The following RSPH14 variants were observed in gnomAD, a reference collection of about 807,000 sequenced individuals.
RSPH14 encodes radial spoke head 14 homolog.
RSPH14 carries 20 observed loss-of-function variants against 26.7 expected under a neutral mutation model. That is an observed-to-expected ratio of 0.75 (90% CI 0.53 to 1.09). The LOEUF (loss-of-function observed/expected upper bound fraction) is 1.09, where lower values mean the gene tolerates loss of function less well. RSPH14 is among the 50% of genes least tolerant of loss of function. The probability of loss-of-function intolerance (pLI) is 0.00; values close to 1 mark genes in which losing one functional copy is unlikely to be tolerated. For synonymous variants in RSPH14, 177 were observed against 189.3 expected, an observed-to-expected ratio of 0.93 and a Z score of 0.53; for missense variants, 449 against 457.2, an observed-to-expected ratio of 0.98 and a Z score of 0.16.
chr22:23,145,964 G>A (rs1387056916), upstream of RSPH14: 1 of 985,264 alleles, frequency 1.0e-6, no homozygotes, highest in Non-Finnish European at 1.2e-6. Flanking sequence ...TGCAGACTGG[G>A]AGCAGGAGAC....
intron 4 of RSPH14, among the ~76,000 whole-genome samples, chr22:23,088,348 T>G (rs1373518737): frequency 1.3e-5 from 2 of 152,012 alleles, no homozygotes; most frequent in African/African-American, 4.8e-5. Context: ...CATCCTTGTG[T>G]GAGGAAGGGC....
At chr22:23,157,357 TCTC>T in the RSPH14 span, among the ~76,000 whole-genome samples, 2 of 151,752 alleles carry the variant, frequency 1.3e-5, no homozygotes, top group African/African-American at 2.4e-5. Flanking sequence ...TTCACAACAT[TCTC>T]CTCCCTCAGC....
rs147293509 is a variant in RSPH14, at chr22:23,096,549, G to A, written c.422-32416C>T. On this transcript the variant is annotated intron_variant, in intron 4 of 6. Transcript: ENST00000216036. ...AGGCGCAGGCCTGGCCCTGCTGCACGATAACTGAGGCAGCTCCAGCAAGGT... is the reference window on the plus strand; with the variant it reads ...AGGCGCAGGCCTGGCCCTGCTGCACAATAACTGAGGCAGCTCCAGCAAGGT... 3.0e-4 allele frequency: 279 copies of A among 937,742 alleles called. 4 individuals carry two copies. The African/African-American group carries it at 4.2e-3, about 14-fold the overall frequency. The allele number at this position is 937,742 out of a possible 1,614,324, so 58.1% of individuals were successfully genotyped here.
chr22:23,095,803 G>A, intron 4 of RSPH14: 1 of 1,613,452 alleles, frequency 6.2e-7, no homozygotes, highest in Non-Finnish European at 8.5e-7. Flanking sequence ...AAATCAAGCT[G>A]CTCCTGCTGG....
chr22:23,146,541 C>T, upstream of RSPH14: 1 of 1,580,368 alleles, frequency 6.3e-7, no homozygotes, highest in South Asian at 1.1e-5. Flanking sequence ...GGTGGAAACT[C>T]ATGGGTGAAT....
chr22:23,153,570 A>G, the RSPH14 span: 1 of 985,260 alleles, frequency 1.0e-6, no homozygotes, highest in South Asian at 4.7e-5. Flanking sequence ...AGGCTTGGGC[A>G]AGGAGGGCTG....
the RSPH14 span, among the ~76,000 whole-genome samples, chr22:23,154,301 G>A: frequency 5.3e-5 from 8 of 152,144 alleles, no homozygotes; most frequent in East Asian, 1.9e-4. Context: ...GCCTGAGTTC[G>A]TTCCTCAATC....
chr22:23,130,472 A>AAAG (rs2070326594), intron 4 of RSPH14, among the ~76,000 whole-genome samples: 1 of 73,382 alleles, frequency 1.4e-5, no homozygotes, highest in Non-Finnish European at 2.5e-5. Flanking sequence ...AAAGAAAAAG[A>AAAG]AAAGAGAAAG....
chr22:23,145,365 T>G, upstream of RSPH14: 2 of 1,605,610 alleles, frequency 1.2e-6, no homozygotes, highest in Non-Finnish European at 1.7e-6. Context: ...TTCTCGTTGC[T>G]ATGGTGATCG....
chr22:23,158,028 C>T, the RSPH14 span: 3 of 1,614,066 alleles, frequency 1.9e-6, no homozygotes, highest in African/African-American at 4.0e-5. Flanking sequence ...GACGTGCAGA[C>T]CCTGGAGCAT....
intron 3 of RSPH14, chr22:23,137,894 A>G (rs2070511137): frequency 6.4e-6 from 1 of 157,138 alleles, no homozygotes; most frequent in Non-Finnish European, 1.4e-5. Context: ...AAGTAAAACT[A>G]CTGATCGCCA....
intron 4 of RSPH14, among the ~76,000 whole-genome samples, chr22:23,101,144 G>A (rs531395863): frequency 6.6e-6 from 1 of 152,250 alleles, no homozygotes. Flanking sequence ...AGCATACCAG[G>A]GCTTAGATTG....
chr22:23,143,103 G>A (rs1477948395), upstream of RSPH14, among the ~76,000 whole-genome samples: 3 of 152,014 alleles, frequency 2.0e-5, no homozygotes, highest in Non-Finnish European at 4.4e-5. Flanking sequence ...ATTTTGAGTG[G>A]ACAACATTGG....
At chr22:23,139,829 C>G (rs1027744977) in intron 2 of RSPH14, among the ~76,000 whole-genome samples, 11 of 151,944 alleles carry the variant, frequency 7.2e-5, no homozygotes, top group African/African-American at 2.7e-4. Flanking sequence ...TGGAGGCTGA[C>G]CTGGGAGAAT....
chr22:23,134,548 C>CA (rs59412175), intron 3 of RSPH14, among the ~76,000 whole-genome samples: 2,049 of 85,990 alleles, frequency 0.024, 25 homozygotes, highest in African/African-American at 0.038. Context: ...AACTCCCAAC[C>CA]AAAAAAAAAA....
At chr22:23,117,608 G>A (rs145946370) in intron 4 of RSPH14, among the ~76,000 whole-genome samples, 109 of 152,358 alleles carry the variant, frequency 7.2e-4, no homozygotes, top group African/African-American at 2.5e-3. Context: ...TGGGTGTGGC[G>A]TGGAGAGGGC....
chr22:23,157,720 C>T, the RSPH14 span, among the ~76,000 whole-genome samples: 71 of 152,336 alleles, frequency 4.7e-4, no homozygotes, highest in East Asian at 0.012. Context: ...GGGTGTCTGA[C>T]GCTAAAGCCC....
chr22:23,082,737 C>T (rs1264579595), intron 4 of RSPH14, among the ~76,000 whole-genome samples: 1 of 151,960 alleles, frequency 6.6e-6, no homozygotes, highest in African/African-American at 2.4e-5. Context: ...GAGCCCCAGC[C>T]CACCCAAGCG....
At chr22:23,175,679 CAT>C in the RSPH14 span, among the ~76,000 whole-genome samples, 3 of 152,364 alleles carry the variant, frequency 2.0e-5, no homozygotes, top group African/African-American at 7.2e-5. Flanking sequence ...ACCCACTGCT[CAT>C]AGACAGCTGT....
Sources: gnomAD v4.1 joint callset for allele counts (sites outside exome capture counted in the v4.1 genomes callset) on GRCh38, gnomAD v4.1.1 for gene constraint, MANE v1.5 for transcripts, NCBI Gene and HGNC (gene_info 2026-07-23, HGNC 2026-07-21) for gene names.